The following SMIM31 variants were observed in gnomAD, a reference collection of about 807,000 sequenced individuals.
The protein encoded by SMIM31 is small integral membrane protein 31.
At chr4:164,793,921 A>C (rs1733141865) in intron 2 of SMIM31, among the ~76,000 whole-genome samples, 1 of 152,220 alleles carries the variant, frequency 6.6e-6, no homozygotes, top group South Asian at 2.1e-4. Flanking sequence ...TGAGAAAAGC[A>C]TCGTAGCATT....
At chr4:164,788,408 A>G (rs947733754) in intron 2 of SMIM31, among the ~76,000 whole-genome samples, 1 of 151,760 alleles carries the variant, frequency 6.6e-6, no homozygotes, top group Non-Finnish European at 1.5e-5. Context: ...GTACTGATGG[A>G]AAAATATTTC....
chr4:164,768,706 A>T lies in SMIM31; in HGVS notation c.-25-1713A>T, dbSNP rs1202928298. Among the ~76,000 whole-genome samples, 6 of 152,168 alleles carry T rather than the reference A, an allele frequency of 3.9e-5. No homozygotes were observed. The East Asian group carries it at 1.2e-3, about 29-fold the overall frequency. On this transcript the variant is annotated intron_variant, in intron 1 of 2. Transcript: ENST00000507311. ...CTTCTTTCTCCGACCTATAGCACTT[A>T]AAAACCACTAGATGGCACAAATTTT...
intron 1 of SMIM31, among the ~76,000 whole-genome samples, chr4:164,768,095 C>T (rs1382246020): frequency 6.6e-6 from 1 of 151,600 alleles, no homozygotes; most frequent in Non-Finnish European, 1.5e-5. Flanking sequence ...ATTCGCTGGG[C>T]GTAACAGTGC....
chr4:164,756,612 A>G (rs1560821791), intron 1 of SMIM31, among the ~76,000 whole-genome samples: 1 of 151,886 alleles, frequency 6.6e-6, no homozygotes, highest in Non-Finnish European at 1.5e-5. Flanking sequence ...AAAAAGATAT[A>G]GAGAACATCA....
In SMIM31 at chr4:164,768,885, A is replaced by G. The variant is rs138887949; in HGVS notation, c.-25-1534A>G. Among the ~76,000 whole-genome samples, 272 of 152,314 alleles carry G rather than the reference A, an allele frequency of 1.8e-3. 1 individual carries two copies. The highest frequency in any genetic ancestry group is 5.9e-3 in the African/African-American group (246 of 41,580). On this transcript the variant is annotated intron_variant, in intron 1 of 2. Coordinates refer to ENST00000507311, the MANE Select transcript of SMIM31 (RefSeq NM_001352885.1). ...TGATCAATTCATTTTCCAAATATTG[A>G]TGAATGGCCGAATATGTCAGAGTGC...
chr4:164,764,213 A>C (rs990847145), intron 1 of SMIM31, among the ~76,000 whole-genome samples: 20 of 152,088 alleles, frequency 1.3e-4, no homozygotes, highest in Admixed American at 1.3e-3. Context: ...GGATTGCCCT[A>C]TATGTTTTTT....
chr4:164,780,864 A>G (rs1732940711), intron 2 of SMIM31, among the ~76,000 whole-genome samples: 1 of 152,166 alleles, frequency 6.6e-6, no homozygotes, highest in Non-Finnish European at 1.5e-5. Flanking sequence ...CAGGCTAGGT[A>G]AAGTGGCACA....
chr4:164,780,243 T>C (rs550207855), intron 2 of SMIM31, among the ~76,000 whole-genome samples: 153 of 152,270 alleles, frequency 1.0e-3, no homozygotes, highest in Non-Finnish European at 1.5e-3. Flanking sequence ...CTGGCCAACA[T>C]GGTGAAACCC....
intron 2 of SMIM31, among the ~76,000 whole-genome samples, chr4:164,792,435 A>AT (rs913090406): frequency 6.6e-6 from 1 of 152,122 alleles, no homozygotes; most frequent in Admixed American, 6.5e-5. Flanking sequence ...ATTAGCAATA[A>AT]TTTTTTTTCA....
At chr4:164,758,622 C>CTTTTTTTTTTTTT (rs779023276) in intron 1 of SMIM31, among the ~76,000 whole-genome samples, 3 of 105,388 alleles carry the variant, frequency 2.8e-5, no homozygotes, top group Non-Finnish European at 3.9e-5. Flanking sequence ...TGTAGTTTTC[C>CTTTTTTTTTTTTT]TTTTTTTGTT....
intron 2 of SMIM31, among the ~76,000 whole-genome samples, chr4:164,775,540 T>A (rs73875012): frequency 0.026 from 4,023 of 152,292 alleles, 169 homozygotes; most frequent in African/African-American, 0.087. Flanking sequence ...GCAGTAAAAC[T>A]ACCCTGCCAA....
chr4:164,778,654 C>G (rs567697894), intron 2 of SMIM31, among the ~76,000 whole-genome samples: 44 of 152,258 alleles, frequency 2.9e-4, no homozygotes, highest in Middle Eastern at 3.4e-3. Flanking sequence ...GCTATGTCTA[C>G]TTTGGAGATA....
chr4:164,758,428 A>G (rs1008325482), intron 1 of SMIM31, among the ~76,000 whole-genome samples: 3 of 152,134 alleles, frequency 2.0e-5, no homozygotes, highest in Non-Finnish European at 4.4e-5. Context: ...ACTGAAGTAA[A>G]TATTGTTGCT....
At chr4:164,772,771 G>A (rs1430997939) in intron 2 of SMIM31, among the ~76,000 whole-genome samples, 2 of 151,074 alleles carry the variant, frequency 1.3e-5, no homozygotes, top group Non-Finnish European at 3.0e-5. Flanking sequence ...GTAGAGACGG[G>A]GTTTCACCGT....
intron 1 of SMIM31, among the ~76,000 whole-genome samples, chr4:164,755,505 GA>G (rs1291270694): frequency 1.8e-3 from 215 of 118,058 alleles, no homozygotes; most frequent in African/African-American, 6.6e-3. Flanking sequence ...GAGAGGAAAG[GA>G]GGGGGGAGGA....
rs1560821424 is a variant in SMIM31 at position 164,755,534 on chromosome 4, A to AGGAGG, written c.-26+1127_-26+1128insGGGAG. 1.6e-3 allele frequency among the ~76,000 whole-genome samples: 41 copies of AGGAGG among 25,796 alleles called. 1 individual carries two copies. Among genetic ancestry groups the AGGAGG allele is most frequent in the African/African-American group, 7.9e-3 (40 of 5,036 alleles). The allele number at this position is 25,796 out of a possible 152,430, so 16.9% of individuals were successfully genotyped here. A position where few individuals can be genotyped will look rare whatever the true frequency, so the allele number is the denominator to read the frequency against. On this transcript the variant is annotated intron_variant, in intron 1 of 2. Transcript: ENST00000507311. ...GGGGAGGAGAGGGGAAGGGAGGGAG[A>AGGAGG]GGAGAGGAGGGGAGGGGAGGGGAGG...
chr4:164,780,293 GGC>G, intron 2 of SMIM31, among the ~76,000 whole-genome samples: 1 of 152,220 alleles, frequency 6.6e-6, no homozygotes, highest in East Asian at 1.9e-4. Context: ...CAGGCGTGGT[GGC>G]GCATGCCTGT....
intron 2 of SMIM31, among the ~76,000 whole-genome samples, chr4:164,789,645 T>C (rs1295883392): frequency 2.0e-5 from 3 of 152,188 alleles, no homozygotes; most frequent in Non-Finnish European, 4.4e-5. Flanking sequence ...TTTTACCCCA[T>C]AGTCATTACA....
intron 2 of SMIM31, among the ~76,000 whole-genome samples, chr4:164,782,088 C>T (rs1296492827): frequency 6.6e-6 from 1 of 151,928 alleles, no homozygotes; most frequent in Admixed American, 6.6e-5. Flanking sequence ...GTCGGGAGTT[C>T]GAGACCAGCC....
Sources: gnomAD v4.1 joint callset for allele counts (sites outside exome capture counted in the v4.1 genomes callset) on GRCh38, gnomAD v4.1.1 for gene constraint, MANE v1.5 for transcripts, NCBI Gene and HGNC (gene_info 2026-07-23, HGNC 2026-07-21) for gene names.